Variants in IQGAP2 observed in about 807,000 individuals in gnomAD.
The protein encoded by IQGAP2 is IQ motif containing GTPase activating protein 2.
In IQGAP2, 173 loss-of-function variants were observed where a neutral mutation model predicts 201.3. That is an observed-to-expected ratio of 0.86 (90% confidence interval 0.76 to 0.98). The LOEUF (loss-of-function observed/expected upper bound fraction) is 0.98. Ranked by LOEUF, IQGAP2 falls within the 50% of genes least tolerant of loss-of-function variation. The probability of loss-of-function intolerance (pLI) is 0.00; values close to 1 mark genes in which losing one functional copy is unlikely to be tolerated. For missense variants in IQGAP2, 1,687 were observed against 1,864.8 expected (o/e 0.90, Z 1.76); for synonymous variants, 675 against 673.9 (o/e 1.00, Z -0.03).
chr5:76,673,871 T>C, intron 25 of IQGAP2, 81 bp from the exon 26 acceptor site: 1 of 868,276 alleles, frequency 1.2e-6, no homozygotes. Flanking sequence ...CAGCTGAAGT[T>C]GACTGGAACA....
At chr5:76,658,723 A>G in intron 21 of IQGAP2, 56 bp downstream of exon 21, 4 of 1,380,062 alleles carry the variant, frequency 2.9e-6, no homozygotes, top group Non-Finnish European at 4.1e-6. Flanking sequence ...GCCTACATAC[A>G]GTCAAGAGTC....
rs74508809 is a variant in IQGAP2, at chr5:76,707,598, G to C, written c.*285G>C. 207 of 250,476 alleles carry C rather than the reference G, an allele frequency of 8.3e-4. 3 individuals are homozygous for C. The East Asian group carries it at 0.017, about 21-fold the overall frequency. The allele number at this position is 250,476 out of a possible 1,614,324, so 15.5% of individuals were successfully genotyped here. ...ATCCTGTGATCTGTTTTAAAGTTGG[G>C]GGGTGGGAAATTTAGCTGACTAGGG... is the stretch of plus-strand genomic sequence containing the variant. On this transcript the variant is annotated 3_prime_UTR_variant, in exon 36 of 36. Transcript: ENST00000274364.
Position 76,702,590 on chromosome 5 carries a change from G to A in IQGAP2, c.4614G>A (p.Gln1538=), listed in dbSNP as rs538964606. The part of the protein sequence containing the change: ...VEMEKVQLNI[Q]DLLQMQYEGV... ...TGGAAAAGGTGCAACTCAATATTCAGGTAAGCTGCTGGAATTTCTGCACAT... is the reference window on the plus strand; with the variant it reads ...TGGAAAAGGTGCAACTCAATATTCAAGTAAGCTGCTGGAATTTCTGCACAT... The change falls in exon 35 of 36, where the codon CAG becomes CAA. Residue 1538 remains glutamine, a splice_region_variant and synonymous_variant. Coordinates refer to ENST00000274364, the MANE Select transcript of IQGAP2 (RefSeq NM_006633.5). 7.0e-7 allele frequency: 1 copy of A among 1,436,340 alleles called. No homozygotes were observed. Among genetic ancestry groups the A allele is most frequent in the African/African-American group, 1.4e-5 (1 of 71,424 alleles). The allele number at this position is 1,436,340 out of a possible 1,614,324, so 89.0% of individuals were successfully genotyped here. A position where few individuals can be genotyped will look rare whatever the true frequency, so the allele number is the denominator to read the frequency against.
intron 2 of IQGAP2, among the ~76,000 whole-genome samples, chr5:76,530,529 G>A (rs1580390780): frequency 6.6e-6 from 1 of 152,200 alleles, no homozygotes; most frequent in Non-Finnish European, 1.5e-5. Context: ...TCAAAGTACA[G>A]TTTTGTTGCT....
chr5:76,577,672 C>T lies in IQGAP2; in HGVS notation c.458+1903C>T, dbSNP rs190826868. ...TTCCTGCTATGATTTAAAATGCAGT[C>T]AGTCACTCAAAGGAGGCTGATATTC... On this transcript the variant is annotated intron_variant, in intron 5 of 35. Coordinates refer to ENST00000274364, the MANE Select transcript of IQGAP2 (RefSeq NM_006633.5). 1.3e-3 allele frequency among the ~76,000 whole-genome samples: 197 copies of T among 152,292 alleles called. 1 individual carries two copies. The highest frequency in any genetic ancestry group is 3.6e-3 in the African/African-American group (148 of 41,554).
chr5:76,571,112 A>G (rs898787651), intron 4 of IQGAP2, among the ~76,000 whole-genome samples: 3 of 151,928 alleles, frequency 2.0e-5, no homozygotes, highest in African/African-American at 7.3e-5. Flanking sequence ...AAAAAAAAAA[A>G]AAAGAAATCT....
At chr5:76,565,812 C>T (rs1744707010) in intron 3 of IQGAP2, among the ~76,000 whole-genome samples, 1 of 152,158 alleles carries the variant, frequency 6.6e-6, no homozygotes, top group Non-Finnish European at 1.5e-5. Flanking sequence ...GATACTCTTC[C>T]TCTAAGAACG....
intron 2 of IQGAP2, among the ~76,000 whole-genome samples, chr5:76,516,923 A>G (rs545455864): frequency 1.3e-5 from 2 of 152,174 alleles, no homozygotes; most frequent in Non-Finnish European, 2.9e-5. Flanking sequence ...TGATAAAGAC[A>G]CTCCATTTGT....
chr5:76,462,242 C>T (rs1384371642), intron 2 of IQGAP2, among the ~76,000 whole-genome samples: 1 of 152,118 alleles, frequency 6.6e-6, no homozygotes, highest in Non-Finnish European at 1.5e-5. Context: ...GGTCTTTTCC[C>T]CACTCGCAGC....
At chr5:76,576,103 T>C (rs1284484700) in intron 5 of IQGAP2, among the ~76,000 whole-genome samples, 2 of 152,204 alleles carry the variant, frequency 1.3e-5, no homozygotes, top group African/African-American at 4.8e-5. Flanking sequence ...TATGACCTAG[T>C]TTACAAATAT....
rs746435662 is a variant in IQGAP2, at chr5:76,589,716, G to A, written c.628G>A (p.Asp210Asn). The stretch of plus-strand genomic sequence containing the variant: ...TATTCTGGCCAATGAACTGTCCGTG[G>A]ATGAAGCTGCATGTAAGTCCATTCA... Reference protein sequence around the residue: ...GGILANELSVDEAALHAAVIA... With the variant: ...GGILANELSVNEAALHAAVIA... Residue 210 changes from aspartate (D) to asparagine (N), a missense_variant, in exon 7 of 36, where the codon GAT becomes AAT. Physicochemically the swap from Asp to Asn is conservative, Grantham distance 23. Coordinates refer to ENST00000274364, the MANE Select transcript of IQGAP2 (RefSeq NM_006633.5). 1.3e-6 allele frequency: 2 copies of A among 1,594,468 alleles called. No individual in the cohort carries two copies. The highest frequency in any genetic ancestry group is 1.7e-5 in the Admixed American group (1 of 57,888).
rs896505834 is a variant in IQGAP2 at position 76,417,574 on chromosome 5, C to T, written c.46+13983C>T. Reference sequence around the variant, plus strand: ...TGCTGGGATTACAGGTGTAAGCCACCGCGCCTGGCCTATTTATTTATTTTT... The same window carrying T: ...TGCTGGGATTACAGGTGTAAGCCACTGCGCCTGGCCTATTTATTTATTTTT... On this transcript the variant is annotated intron_variant, in intron 1 of 35. Coordinates refer to ENST00000274364, the MANE Select transcript of IQGAP2 (RefSeq NM_006633.5). 7.9e-5 allele frequency among the ~76,000 whole-genome samples: 12 copies of T among 151,028 alleles called. 1 individual carries two copies. Among genetic ancestry groups the T allele is most frequent in the Admixed American group, 3.3e-4 (5 of 15,144 alleles).
chr5:76,634,609 G>T (rs1561534581), intron 15 of IQGAP2, among the ~76,000 whole-genome samples: 1 of 152,114 alleles, frequency 6.6e-6, no homozygotes, highest in Non-Finnish European at 1.5e-5. Flanking sequence ...GTTCTAGAAA[G>T]AAGAGCATCC....
At chr5:76,589,960 T>G (rs1328953262) in intron 7 of IQGAP2, among the ~76,000 whole-genome samples, 1 of 152,248 alleles carries the variant, frequency 6.6e-6, no homozygotes, top group Non-Finnish European at 1.5e-5. Context: ...TAGAAATACC[T>G]TCATTGTCCA....
chr5:76,557,368 T>G (rs1744020671), intron 2 of IQGAP2, among the ~76,000 whole-genome samples: 1 of 152,204 alleles, frequency 6.6e-6, no homozygotes, highest in Non-Finnish European at 1.5e-5. Flanking sequence ...GGGGTCATCA[T>G]GAGAAGATTC....
At chr5:76,441,583 A>G (rs902063889) in intron 1 of IQGAP2, 11 of 903,568 alleles carry the variant, frequency 1.2e-5, no homozygotes, top group Non-Finnish European at 1.3e-5. Flanking sequence ...CGTGAATCTC[A>G]GCGGTATGTT....
At chr5:76,569,211 C>T (rs575288755) in intron 3 of IQGAP2, among the ~76,000 whole-genome samples, 4 of 152,210 alleles carry the variant, frequency 2.6e-5, no homozygotes, top group South Asian at 2.1e-4. Flanking sequence ...TTTTCAGATC[C>T]GGAGAGATGT....
chr5:76,630,525 C>A (rs908262883), intron 14 of IQGAP2, among the ~76,000 whole-genome samples: 2 of 152,088 alleles, frequency 1.3e-5, no homozygotes, highest in Admixed American at 6.5e-5. Context: ...GGAAATTGAC[C>A]TGTGAACCAG....
chr5:76,413,139 TTTTTC>T (rs1213372733), intron 1 of IQGAP2, among the ~76,000 whole-genome samples: 1 of 150,958 alleles, frequency 6.6e-6, no homozygotes, highest in Non-Finnish European at 1.5e-5. Flanking sequence ...CCTATTTTCT[TTTTTC>T]TTTTCTTTTC....
Sources: gnomAD v4.1 joint callset for allele counts (sites outside exome capture counted in the v4.1 genomes callset) on GRCh38, gnomAD v4.1.1 for gene constraint, MANE v1.5 for transcripts, NCBI Gene and HGNC (gene_info 2026-07-23, HGNC 2026-07-21) for gene names.